Variants in TESMIN observed in about 807,000 individuals in gnomAD.
The protein encoded by TESMIN is CXC domain containing 2.
TESMIN carries 34 observed loss-of-function variants against 47.4 expected under a neutral mutation model. The ratio of observed to expected loss-of-function variants is 0.72; its 90% CI spans 0.55 to 0.96. TESMIN has a LOEUF of 0.96. TESMIN is among the 40% of genes least tolerant of loss of function. The probability of loss-of-function intolerance (pLI) is 0.00; values close to 1 mark genes in which losing one functional copy is unlikely to be tolerated. For missense variants in TESMIN, 610 were observed against 637.2 expected (o/e 0.96, Z 0.46); for synonymous variants, 278 against 258.9 (o/e 1.07, Z -0.71).
chr11:68,708,349 G>A lies in TESMIN; in HGVS notation c.1486C>T (p.Leu496Phe), dbSNP rs1946020860. 6.2e-7 allele frequency: 1 copy of A among 1,612,690 alleles called. No individual in the cohort carries two copies. Among genetic ancestry groups the A allele is most frequent in the African/African-American group, 1.3e-5 (1 of 74,838 alleles). Residue 496 changes from leucine to phenylalanine, a missense_variant, in exon 10 of 10, where the codon CTC becomes TTC. By Grantham distance (22) the Leu-to-Phe change is conservative. Transcript: ENST00000255087. The part of the protein sequence containing the change: ...EEFGRCLSQI[L>F]HTEFKSKGLK... ...CCCTTAGATTTAAACTCAGTGTGGA[G>A]AATCTGTGATAAGCACCTTCCAAAT...
At chr11:68,717,808 C>T (rs897283217) in intron 6 of TESMIN, among the ~76,000 whole-genome samples, 40 of 152,184 alleles carry the variant, frequency 2.6e-4, no homozygotes, top group African/African-American at 8.9e-4. Context: ...CCCCTGCCAC[C>T]GTGGCAGAGA....
At chr11:68,745,259 T>C (rs1946505147) in intron 3 of TESMIN, 148 bp from the exon 4 acceptor site, 1 of 666,480 alleles carries the variant, frequency 1.5e-6, no homozygotes, top group South Asian at 2.4e-5. Flanking sequence ...GTTTTCGATT[T>C]CTTACTCTAC....
intron 3 of TESMIN, among the ~76,000 whole-genome samples, chr11:68,745,398 G>A (rs920653340): frequency 6.6e-6 from 1 of 151,948 alleles, no homozygotes; most frequent in African/African-American, 2.4e-5. Context: ...TTTCTCCACA[G>A]GTGTCTGATT....
chr11:68,722,033 T>C (rs1213118109), intron 6 of TESMIN, among the ~76,000 whole-genome samples: 2 of 152,156 alleles, frequency 1.3e-5, no homozygotes, highest in Non-Finnish European at 2.9e-5. Flanking sequence ...CAGTGTCCAT[T>C]GCAGCATCAG....
intron 5 of TESMIN, among the ~76,000 whole-genome samples, chr11:68,741,279 C>T (rs984655015): frequency 2.6e-5 from 4 of 152,192 alleles, no homozygotes; most frequent in African/African-American, 4.8e-5. Flanking sequence ...GTGGCCTCCT[C>T]GCTGCCACCA....
chr11:68,726,877 A>C (rs1205063463), intron 6 of TESMIN, among the ~76,000 whole-genome samples: 1 of 151,996 alleles, frequency 6.6e-6, no homozygotes, highest in Admixed American at 6.6e-5. Context: ...CAGGAGTTTG[A>C]GACCAGCCTG....
chr11:68,722,290 G>T (rs531938405), intron 6 of TESMIN, among the ~76,000 whole-genome samples: 1 of 152,286 alleles, frequency 6.6e-6, no homozygotes, highest in Admixed American at 6.5e-5. Flanking sequence ...AGTTTGATGG[G>T]TATAGAATTT....
chr11:68,748,549 C>T (rs1946549909), intron 2 of TESMIN, among the ~76,000 whole-genome samples: 1 of 152,212 alleles, frequency 6.6e-6, no homozygotes, highest in African/African-American at 2.4e-5. Flanking sequence ...ACTACTTATA[C>T]TAAAATTCCA....
At position 68,707,999 on chromosome 11, in the gene TESMIN, C is replaced by T. The variant is rs147390577; in HGVS notation, c.*309G>A. On this transcript the variant is annotated 3_prime_UTR_variant, in exon 10 of 10. Coordinates refer to ENST00000255087, the MANE Select transcript of TESMIN (RefSeq NM_004923.3). ...CCCTCCCCTGCCCCGCTCTGCCCTT[C>T]GCAGGGCCTGCTGTGCCCTCCCCTG... 6.2e-3 allele frequency: 2,781 copies of T among 445,450 alleles called. 31 individuals are homozygous for T. The highest frequency in any genetic ancestry group is 5.6e-3 in the Non-Finnish European group (1,288 of 232,052). 27.6% of individuals were successfully genotyped at this position (445,450 alleles called of 1,614,324 possible). A position where few individuals can be genotyped will look rare whatever the true frequency, so the allele number is the denominator to read the frequency against.
At chr11:68,738,507 C>A in intron 6 of TESMIN, 193 bp downstream of exon 6, 17 of 1,382,484 alleles carry the variant, frequency 1.2e-5, no homozygotes, top group Non-Finnish European at 1.6e-5. Flanking sequence ...TTCCAGCAGC[C>A]TTTGCAGCCC....
chr11:68,746,388 C>T (rs561943151), intron 3 of TESMIN, among the ~76,000 whole-genome samples: 27 of 152,288 alleles, frequency 1.8e-4, no homozygotes, highest in African/African-American at 5.8e-4. Flanking sequence ...ACCCACAGCC[C>T]CAAATAGAAC....
rs745968141 is a variant in TESMIN at position 68,715,906 on chromosome 11, G to A, written c.951C>T (p.Cys317=). 8.7e-6 allele frequency: 14 copies of A among 1,613,364 alleles called. No individual in the cohort carries two copies. Among genetic ancestry groups the A allele is most frequent in the Non-Finnish European group, 1.1e-5 (13 of 1,179,478 alleles). Residue 317 remains cysteine, a synonymous_variant, in exon 7 of 10, where the codon TGC becomes TGT. Coordinates refer to ENST00000255087, the MANE Select transcript of TESMIN (RefSeq NM_004923.3). ...YCDCFASGDF[C]NNCNCNNCCN... ...AACAATTATTACAATTGCAGTTGTT[G>A]CAAAAGTCCCCACTGGCAAAGCAGT...
chr11:68,723,914 AC>A lies in TESMIN; in HGVS notation c.918-7976del, dbSNP rs1295146449. Reference sequence around the variant, plus strand: ...CCACTCCAACTCCAATAGACATCAGACCCAGACAGTTTTTCAGACAAGTTTT... The same window carrying A: ...CCACTCCAACTCCAATAGACATCAGACCAGACAGTTTTTCAGACAAGTTTT... On this transcript the variant is annotated intron_variant, in intron 6 of 9. Transcript: ENST00000255087. Among the ~76,000 whole-genome samples, 15 of 152,200 alleles carry A rather than the reference AC, an allele frequency of 9.9e-5. No individual in the cohort carries two copies. In the East Asian group the frequency reaches 2.9e-3, roughly 29 times the overall value.
In TESMIN at chr11:68,741,426, G is replaced by T. The variant is rs186038977; in HGVS notation, c.828+892C>A. Among the ~76,000 whole-genome samples, 905 of 126,712 alleles carry T rather than the reference G, an allele frequency of 7.1e-3. 10 individuals carry two copies. The highest frequency in any genetic ancestry group is 0.022 in the African/African-American group (822 of 37,710). 83.1% of individuals were successfully genotyped at this position (126,712 alleles called of 152,430 possible). A position where few individuals can be genotyped will look rare whatever the true frequency, so the allele number is the denominator to read the frequency against. ...AGCCATGATCACCTTTTTTAAACCT[G>T]CAACTAGGCTTTTTCCCCATCAAAT... is the stretch of plus-strand genomic sequence containing the variant. On this transcript the variant is annotated intron_variant, in intron 5 of 9. Transcript: ENST00000255087.
In TESMIN at chr11:68,713,323, C is replaced by T. The variant is rs1466807185; in HGVS notation, c.1105G>A (p.Gly369Arg). 1 of 1,614,052 alleles carries T rather than the reference C, an allele frequency of 6.2e-7. No homozygotes were observed. Among genetic ancestry groups the T allele is most frequent in the Admixed American group, 1.7e-5 (1 of 59,998 alleles). ...CAGCCTGACCTCCTGCAGTTGCACC[C>T]TTTGTTGTGCTGGGGCTTGACATTG... Reference protein sequence around the residue: ...LGNVKPQHNKGCNCRRSGCLK... With the variant: ...LGNVKPQHNKRCNCRRSGCLK... Residue 369 changes from glycine to arginine, a missense_variant, in exon 8 of 10, where the codon GGG (glycine) becomes AGG (arginine). Gly to Arg is a moderately radical substitution (Grantham distance 125, BLOSUM62 -2). Coordinates refer to ENST00000255087, the MANE Select transcript of TESMIN (RefSeq NM_004923.3).
At chr11:68,708,877 TGAGTAGCTGG>T (rs1946029082) in intron 9 of TESMIN, among the ~76,000 whole-genome samples, 1 of 151,840 alleles carries the variant, frequency 6.6e-6, no homozygotes, top group African/African-American at 2.4e-5. Context: ...CTCAGCCTCC[TGAGTAGCTGG>T]GATCACAGGC....
intron 6 of TESMIN, among the ~76,000 whole-genome samples, chr11:68,731,847 A>G (rs1946330830): frequency 6.6e-6 from 1 of 152,212 alleles, no homozygotes; most frequent in South Asian, 2.1e-4. Flanking sequence ...CACAAACTTT[A>G]TTAGTATTTC....
At chr11:68,733,277 C>A (rs1046905291) in intron 6 of TESMIN, among the ~76,000 whole-genome samples, 2 of 152,154 alleles carry the variant, frequency 1.3e-5, no homozygotes, top group African/African-American at 4.8e-5. Context: ...TAGAATAAAC[C>A]AATTCATAAA....
chr11:68,730,870 A>G (rs776566878), intron 6 of TESMIN, among the ~76,000 whole-genome samples: 2 of 152,202 alleles, frequency 1.3e-5, no homozygotes, highest in Non-Finnish European at 2.9e-5. Context: ...CTACCTCTTC[A>G]GTTTACATCA....
Sources: allele counts gnomAD v4.1 joint callset (sites outside exome capture counted in the v4.1 genomes callset), GRCh38; gene constraint gnomAD v4.1.1; transcripts MANE v1.5; gene names NCBI Gene and HGNC (gene_info 2026-07-23, HGNC 2026-07-21).